RGS7: variants seen among roughly 807,000 people sequenced by gnomAD.
The protein encoded by RGS7 is regulator of G protein signaling 7.
Under a neutral mutation model 81.1 loss-of-function variants are expected in RGS7, and 27 were observed. That is an observed-to-expected ratio of 0.33 (90% CI 0.25 to 0.46). The LOEUF is 0.46. Among genes scored for constraint, RGS7 ranks in the 20% least tolerant of loss-of-function variants. RGS7 has a pLI of 1.00. For missense variants in RGS7, 396 were observed against 607.4 expected, an observed-to-expected ratio of 0.65 and a Z score of 3.66; for synonymous variants, 208 against 207.7, an observed-to-expected ratio of 1.00 and a Z score of -0.01.
At chr1:241,174,964 G>A (rs1476595786) in intron 2 of RGS7, among the ~76,000 whole-genome samples, 1 of 131,920 alleles carries the variant, frequency 7.6e-6, no homozygotes, top group African/African-American at 2.8e-5. Context: ...GTGCAGTGGC[G>A]CAATCTCGGC....
intron 18 of RGS7, among the ~76,000 whole-genome samples, chr1:240,784,110 C>T (rs574535827): frequency 1.3e-5 from 2 of 150,796 alleles, no homozygotes; most frequent in South Asian, 4.2e-4. Flanking sequence ...TCACTTGAAC[C>T]CGGGAGGTGG....
At chr1:240,909,162 G>A (rs1243537853) in intron 6 of RGS7, among the ~76,000 whole-genome samples, 1 of 152,108 alleles carries the variant, frequency 6.6e-6, no homozygotes, top group Non-Finnish European at 1.5e-5. Context: ...GATTTTCAGA[G>A]ACTGATGTTT....
chr1:241,214,732 T>C (rs1319534883), intron 2 of RGS7, among the ~76,000 whole-genome samples: 1 of 152,198 alleles, frequency 6.6e-6, no homozygotes, highest in East Asian at 1.9e-4. Context: ...AGGTAATTTC[T>C]ATTGATTCGT....
intron 2 of RGS7, among the ~76,000 whole-genome samples, chr1:241,295,215 A>G (rs1437402991): frequency 9.9e-5 from 15 of 152,220 alleles, no homozygotes; most frequent in South Asian, 2.1e-4. Flanking sequence ...TTGGGAGGCC[A>G]AGGCGGGCGG....
chr1:241,326,397 A>G (rs559226889), intron 2 of RGS7, among the ~76,000 whole-genome samples: 18 of 152,218 alleles, frequency 1.2e-4, no homozygotes, highest in South Asian at 2.1e-4. Flanking sequence ...TTAAAGGTAG[A>G]GAATCCTCCA....
intron 2 of RGS7, among the ~76,000 whole-genome samples, chr1:241,211,896 G>T (rs2074262818): frequency 1.3e-5 from 2 of 152,210 alleles, no homozygotes; most frequent in South Asian, 4.1e-4. Context: ...ATTGCGTTAG[G>T]TGAAAAGCAT....
At chr1:240,864,872 T>G (rs1662939989) in intron 9 of RGS7, among the ~76,000 whole-genome samples, 1 of 152,200 alleles carries the variant, frequency 6.6e-6, no homozygotes, top group Non-Finnish European at 1.5e-5. Context: ...TGATGCTCCT[T>G]GATTGTCCTC....
chr1:240,996,134 T>G (rs604322), intron 3 of RGS7, among the ~76,000 whole-genome samples: 14,057 of 152,210 alleles, frequency 0.092, 676 homozygotes, highest in Middle Eastern at 0.18. Flanking sequence ...CTAATTTGAT[T>G]CCATTATGAT....
rs1349942359 is a variant in RGS7, at chr1:241,073,756, C to G, written c.175+24910G>C. ...CAGTTAATAAGTTAACAGACAACACCCTGTGGAATTAATTCACCTTTCAAT... is the reference window on the plus strand; with the variant it reads ...CAGTTAATAAGTTAACAGACAACACGCTGTGGAATTAATTCACCTTTCAAT... On this transcript the variant is annotated intron_variant, in intron 3 of 18. Coordinates refer to ENST00000440928, the MANE Select transcript of RGS7 (RefSeq NM_001364886.1). Among the ~76,000 whole-genome samples, 3 of 152,122 alleles carry G rather than the reference C, an allele frequency of 2.0e-5. No individual in the cohort carries two copies. The East Asian group carries it at 5.8e-4, about 29-fold the overall frequency.
intron 6 of RGS7, among the ~76,000 whole-genome samples, chr1:240,875,655 G>T (rs1002843555): frequency 2.6e-5 from 4 of 152,190 alleles, no homozygotes; most frequent in Admixed American, 2.0e-4. Flanking sequence ...ACCAGCAACA[G>T]TGTATCAGGG....
intron 3 of RGS7, among the ~76,000 whole-genome samples, chr1:241,065,498 C>T (rs1040360746): frequency 3.3e-5 from 5 of 151,988 alleles, no homozygotes; most frequent in Non-Finnish European, 7.4e-5. Context: ...GGAAACACCT[C>T]GATGCCAGGT....
At chr1:241,277,866 C>A (rs982759115) in intron 2 of RGS7, among the ~76,000 whole-genome samples, 1 of 152,156 alleles carries the variant, frequency 6.6e-6, no homozygotes, top group East Asian at 1.9e-4. Flanking sequence ...TTATTTGAAA[C>A]CTTTTATGAA....
rs1380840135 is a variant in RGS7, at chr1:240,951,929, C to CA, written c.227-15224dup. Among the ~76,000 whole-genome samples, 4 of 152,094 alleles carry CA rather than the reference C, an allele frequency of 2.6e-5. No individual in the cohort carries two copies. In the East Asian group the frequency reaches 7.7e-4, roughly 29 times the overall value. Reference sequence around the variant, plus strand: ...TATAGAGAAACAAAAATATGAATGACAGTGCGCTTCTCATCAGAAACTATG... The same window carrying CA: ...TATAGAGAAACAAAAATATGAATGACAAGTGCGCTTCTCATCAGAAACTATG... On this transcript the variant is annotated intron_variant, in intron 4 of 18. Transcript: ENST00000440928.
intron 2 of RGS7, among the ~76,000 whole-genome samples, chr1:241,212,452 T>C (rs1012989283): frequency 4.6e-5 from 7 of 152,178 alleles, no homozygotes; most frequent in Non-Finnish European, 8.8e-5. Context: ...TATGCATTTT[T>C]ATTTTGTGCT....
intron 2 of RGS7, among the ~76,000 whole-genome samples, chr1:241,306,922 T>C (rs996290877): frequency 6.6e-6 from 1 of 152,216 alleles, no homozygotes; most frequent in South Asian, 2.1e-4. Flanking sequence ...CGTCCCAGTA[T>C]TTTCTTTCAA....
intron 6 of RGS7, among the ~76,000 whole-genome samples, chr1:240,929,135 A>G (rs1187896990): frequency 6.6e-6 from 1 of 152,174 alleles, no homozygotes; most frequent in African/African-American, 2.4e-5. Context: ...CTAAAGTCAC[A>G]CAGTTGGTAT....
intron 3 of RGS7, among the ~76,000 whole-genome samples, chr1:241,043,793 T>C (rs962547453): frequency 1.3e-5 from 2 of 151,908 alleles, no homozygotes; most frequent in African/African-American, 4.8e-5. Context: ...GCATTATAAG[T>C]AATCTAGAGA....
chr1:241,121,570 G>C (rs1408645933), intron 2 of RGS7, among the ~76,000 whole-genome samples: 1 of 152,112 alleles, frequency 6.6e-6, no homozygotes, highest in Non-Finnish European at 1.5e-5. Context: ...AGTGAGGGTG[G>C]ATGACAGAGA....
At position 241,178,136 on chromosome 1, in the gene RGS7, A is replaced by T. The variant is rs545453823; in HGVS notation, c.79-79374T>A. On this transcript the variant is annotated intron_variant, in intron 2 of 18. Transcript: ENST00000440928. ...ACCCTGTCTCTACAAAAAAGATAGA[A>T]AAAAAATTAGTTGGGTGCAGTGACA... 1.4e-4 allele frequency among the ~76,000 whole-genome samples: 22 copies of T among 152,088 alleles called. 1 individual carries two copies. In the South Asian group the frequency reaches 4.0e-3, roughly 27 times the overall value.
Sources: allele counts gnomAD v4.1 joint callset (sites outside exome capture counted in the v4.1 genomes callset), GRCh38; gene constraint gnomAD v4.1.1; transcripts MANE v1.5; gene names NCBI Gene and HGNC (gene_info 2026-07-23, HGNC 2026-07-21).